MYO5B: variants seen among roughly 807,000 people sequenced by gnomAD.
The protein encoded by MYO5B is myosin VB, also known as unconventional myosin-Vb.
A neutral mutation model predicts 229.3 loss-of-function variants in MYO5B; 143 were observed. The ratio of observed to expected loss-of-function variants is 0.62; its 90% CI spans 0.54 to 0.72. MYO5B has a LOEUF of 0.72. Among genes scored for constraint, MYO5B ranks in the 30% least tolerant of loss-of-function variants. The pLI is 0.00. For missense variants in MYO5B, 2,321 were observed against 2,331.0 expected, an observed-to-expected ratio of 1.00 and a Z score of 0.09; for synonymous variants, 918 against 885.2, an observed-to-expected ratio of 1.04 and a Z score of -0.66.
chr18:49,894,097 T>G (rs966602372), intron 22 of MYO5B, among the ~76,000 whole-genome samples: 1 of 152,120 alleles, frequency 6.6e-6, no homozygotes, highest in Non-Finnish European at 1.5e-5. Context: ...GACTCCAAGG[T>G]CTACCGCAGG....
At chr18:49,950,109 G>A (rs548133911) in intron 14 of MYO5B, among the ~76,000 whole-genome samples, 1 of 152,294 alleles carries the variant, frequency 6.6e-6, no homozygotes, top group South Asian at 2.1e-4. Context: ...GCTAGGAGGG[G>A]CTCAGGGTAG....
chr18:50,007,331 C>T (rs1031535916), intron 4 of MYO5B, among the ~76,000 whole-genome samples: 2 of 152,184 alleles, frequency 1.3e-5, no homozygotes, highest in South Asian at 4.1e-4. Flanking sequence ...TATTGAACTT[C>T]TCTCCAGGGT....
intron 12 of MYO5B, among the ~76,000 whole-genome samples, chr18:49,955,918 G>T (rs1485540356): frequency 6.6e-6 from 1 of 152,210 alleles, no homozygotes; most frequent in Non-Finnish European, 1.5e-5. Flanking sequence ...GGCAAAACTG[G>T]GGCAGACAGA....
intron 18 of MYO5B, 31 bp downstream of exon 18, chr18:49,912,031 G>A (rs1250727871): frequency 6.4e-7 from 1 of 1,561,676 alleles, no homozygotes; most frequent in Non-Finnish European, 8.8e-7. Flanking sequence ...ACCTGGTCAG[G>A]CCTCTCCTGG....
At chr18:50,023,497 G>A (rs2026299112) in intron 4 of MYO5B, among the ~76,000 whole-genome samples, 1 of 152,178 alleles carries the variant, frequency 6.6e-6, no homozygotes, top group Non-Finnish European at 1.5e-5. Flanking sequence ...CCAGGAGAAT[G>A]GGAGAGGGCC....
At chr18:50,110,662 G>T (rs1474064875) in intron 1 of MYO5B, among the ~76,000 whole-genome samples, 1 of 152,134 alleles carries the variant, frequency 6.6e-6, no homozygotes, top group Non-Finnish European at 1.5e-5. Flanking sequence ...GCAGAATGTT[G>T]AAGTATAGGG....
chr18:50,086,420 T>A (rs181287966), intron 1 of MYO5B, among the ~76,000 whole-genome samples: 2 of 152,348 alleles, frequency 1.3e-5, no homozygotes, highest in East Asian at 3.9e-4. Context: ...CCACTCACCA[T>A]CGATTTTTTC....
intron 1 of MYO5B, among the ~76,000 whole-genome samples, chr18:50,162,150 A>G (rs1331489963): frequency 6.6e-6 from 1 of 152,230 alleles, no homozygotes; most frequent in Non-Finnish European, 1.5e-5. Context: ...CTTAAAGAAA[A>G]AGCTATTTCT....
chr18:49,927,669 G>A (rs1051172514), intron 17 of MYO5B, among the ~76,000 whole-genome samples: 19 of 152,090 alleles, frequency 1.2e-4, no homozygotes, highest in Non-Finnish European at 4.4e-5. Context: ...CGATAAATGG[G>A]GCTGGGATAA....
At chr18:49,971,961 T>TG (rs1363203687) in intron 10 of MYO5B, among the ~76,000 whole-genome samples, 2 of 152,174 alleles carry the variant, frequency 1.3e-5, no homozygotes, top group Non-Finnish European at 2.9e-5. Context: ...CAACATAGCA[T>TG]GCCCGGAAGA....
chr18:49,915,193 C>G (rs1342111444), intron 17 of MYO5B, among the ~76,000 whole-genome samples: 2 of 152,086 alleles, frequency 1.3e-5, no homozygotes, highest in African/African-American at 4.8e-5. Flanking sequence ...TAAGTTTGAG[C>G]TATAACTCAC....
intron 4 of MYO5B, among the ~76,000 whole-genome samples, chr18:50,030,287 T>A (rs2026373194): frequency 6.6e-6 from 1 of 150,814 alleles, no homozygotes; most frequent in South Asian, 2.1e-4. Context: ...CTCGCTCCCT[T>A]TCCCTTCTGC....
intron 1 of MYO5B, among the ~76,000 whole-genome samples, chr18:50,096,678 G>A (rs2031557688): frequency 6.6e-6 from 1 of 152,162 alleles, no homozygotes; most frequent in Non-Finnish European, 1.5e-5. Flanking sequence ...TCTGTCCACT[G>A]TAAATAAGCA....
chr18:50,124,177 G>A (rs1040460761), intron 1 of MYO5B, among the ~76,000 whole-genome samples: 4 of 152,196 alleles, frequency 2.6e-5, no homozygotes, highest in South Asian at 2.1e-4. Flanking sequence ...TACATCCTCC[G>A]ATAAGATGGC....
intron 7 of MYO5B, among the ~76,000 whole-genome samples, chr18:49,986,295 T>C (rs1568059641): frequency 6.6e-6 from 1 of 152,212 alleles, no homozygotes; most frequent in Non-Finnish European, 1.5e-5. Flanking sequence ...TTGCATCCTA[T>C]GCTCCAAGCC....
chr18:49,900,563 G>A (rs544787630), intron 21 of MYO5B, among the ~76,000 whole-genome samples: 31 of 152,364 alleles, frequency 2.0e-4, no homozygotes, highest in African/African-American at 7.5e-4. Context: ...TTGGGCTCCT[G>A]TTCAGGGCAG....
At chr18:50,148,239 G>A (rs1477231425) in intron 1 of MYO5B, among the ~76,000 whole-genome samples, 87 of 149,898 alleles carry the variant, frequency 5.8e-4, no homozygotes, top group African/African-American at 1.6e-3. Flanking sequence ...ATTCACAGCC[G>A]AATTCTACCA....
chr18:49,978,392 C>T lies in MYO5B; in HGVS notation c.1056+2052G>A, dbSNP rs1479287309. ...AGATCAGAGACACTTCACTTACAGG[C>T]TTAAGCCTTAATTTTGCTGGTCTCG... On this transcript the variant is annotated intron_variant, in intron 9 of 39. Transcript: ENST00000285039. 2.0e-5 allele frequency among the ~76,000 whole-genome samples: 3 copies of T among 152,144 alleles called. No homozygotes were observed. In the South Asian group the frequency reaches 6.2e-4, roughly 32 times the overall value.
At chr18:49,911,125 T>C (rs558986958) in intron 18 of MYO5B, among the ~76,000 whole-genome samples, 2 of 152,340 alleles carry the variant, frequency 1.3e-5, no homozygotes, top group African/African-American at 4.8e-5. Context: ...ATGCAGCAGC[T>C]ACCTTCCCCT....
Sources: allele counts gnomAD v4.1 joint callset (sites outside exome capture counted in the v4.1 genomes callset), GRCh38; gene constraint gnomAD v4.1.1; transcripts MANE v1.5; gene names NCBI Gene and HGNC (gene_info 2026-07-23, HGNC 2026-07-21).